Variants in LRRC38 observed in about 807,000 individuals in gnomAD.
The protein encoded by LRRC38 is leucine-rich repeat-containing protein 38.
Under a neutral mutation model 16.4 loss-of-function variants are expected in LRRC38, and 5 were observed. That is an observed-to-expected ratio of 0.31 (90% CI 0.16 to 0.64). The LOEUF is 0.64. LRRC38 is among the 30% of genes least tolerant of loss of function. The probability of loss-of-function intolerance (pLI) is 0.80; values close to 1 mark genes in which losing one functional copy is unlikely to be tolerated. For missense variants in LRRC38, 341 were observed against 401.8 expected (o/e 0.85, Z 1.29); for synonymous variants, 191 against 190.2 (o/e 1.00, Z -0.04).
chr1:13,493,475 T>G lies in LRRC38; in HGVS notation c.632-17376A>C, dbSNP rs74056251. Among the ~76,000 whole-genome samples the G allele has an allele frequency of 9.4e-3, 1,430 of 152,296 alleles. 22 individuals are homozygous for G. The highest frequency in any genetic ancestry group is 0.033 in the African/African-American group (1,383 of 41,570). On this transcript the variant is annotated intron_variant, in intron 1 of 1. Transcript: ENST00000376085. ...CTGGAGGAGATCCAGGCCGACCCCC[T>G]AAATCGTCCACATGCTAATCCTCAG...
At chr1:13,493,819 C>T (rs1001037406) in intron 1 of LRRC38, among the ~76,000 whole-genome samples, 1 of 152,202 alleles carries the variant, frequency 6.6e-6, no homozygotes, top group African/African-American at 2.4e-5. Context: ...AATCCCAGCA[C>T]TTTGGGAGGC....
intron 1 of LRRC38, among the ~76,000 whole-genome samples, chr1:13,485,324 TC>T (rs1638918721): frequency 6.9e-6 from 1 of 145,936 alleles, no homozygotes; most frequent in Non-Finnish European, 1.5e-5. Context: ...ACGCCTGTAA[TC>T]CCAGCACTTT....
intron 1 of LRRC38, among the ~76,000 whole-genome samples, chr1:13,502,090 G>T (rs1639158226): frequency 7.0e-6 from 1 of 142,772 alleles, no homozygotes; most frequent in African/African-American, 2.6e-5. Flanking sequence ...GCCACGCCCA[G>T]CCAATTTTTT....
At chr1:13,512,701 G>C (rs935433756) in intron 1 of LRRC38, among the ~76,000 whole-genome samples, 4 of 152,194 alleles carry the variant, frequency 2.6e-5, no homozygotes, top group Non-Finnish European at 2.9e-5. Flanking sequence ...GGCATCCCGA[G>C]AAGGGGAAGG....
chr1:13,495,671 T>C (rs1639072621), intron 1 of LRRC38, among the ~76,000 whole-genome samples: 1 of 152,122 alleles, frequency 6.6e-6, no homozygotes, highest in African/African-American at 2.4e-5. Flanking sequence ...TGATGCTCCT[T>C]GCAGCACCAC....
At chr1:13,493,673 G>C (rs976165843) in intron 1 of LRRC38, among the ~76,000 whole-genome samples, 3 of 152,168 alleles carry the variant, frequency 2.0e-5, no homozygotes, top group African/African-American at 7.2e-5. Context: ...ATATGCCGAT[G>C]CAGAGAGGTC....
At chr1:13,481,401 T>A in intron 1 of LRRC38, among the ~76,000 whole-genome samples, 1 of 142,914 alleles carries the variant, frequency 7.0e-6, no homozygotes, top group African/African-American at 2.6e-5. Context: ...TTTTTTTTGT[T>A]CTTTTTTTGA....
chr1:13,512,574 C>T (rs939007949), intron 1 of LRRC38, among the ~76,000 whole-genome samples: 11 of 152,070 alleles, frequency 7.2e-5, no homozygotes, highest in Non-Finnish European at 1.5e-4. Flanking sequence ...ACTCCCCGTG[C>T]ACGGTACTGA....
intron 1 of LRRC38, among the ~76,000 whole-genome samples, chr1:13,501,469 A>C (rs562239115): frequency 0.018 from 2,653 of 144,448 alleles, 89 homozygotes; most frequent in African/African-American, 0.07. Flanking sequence ...GGTGCAGTAG[A>C]GTGATCTCAG....
intron 1 of LRRC38, among the ~76,000 whole-genome samples, chr1:13,496,218 G>T (rs1356617283): frequency 6.6e-6 from 1 of 151,966 alleles, no homozygotes; most frequent in Non-Finnish European, 1.5e-5. Flanking sequence ...CCAGGCTGGG[G>T]TGCAGCAGCA....
At chr1:13,512,936 T>TCCCTCC in intron 1 of LRRC38, 27 bp downstream of exon 1, 2 of 442,408 alleles carry the variant, frequency 4.5e-6, no homozygotes, top group South Asian at 2.6e-5. Context: ...CCTCCCTCCC[T>TCCCTCC]CCCCCAGCCT....
In LRRC38 at chr1:13,475,953, TG is replaced by T. The variant is rs1557492955; in HGVS notation, c.777del (p.Ile260LeufsTer61). On this transcript the variant is annotated frameshift_variant, in exon 2 of 2. Transcript: ENST00000376085. LOFTEE classifies it high-confidence loss of function. This position sits in a 1 kb window ranked among gnomAD's most constrained non-coding sequence, Gnocchi z 4.3. ...CIIIFSGVAVSIAAIISSFFL... is the reference protein window; with the variant it reads ...CIIIFSGVAVXIAAIISSFFL... ...AAGAAGCTGGAGATGATGGCCGCAA[TG>T]GACACGGCCACACCGGAGAAAATGA... is the stretch of plus-strand genomic sequence containing the variant. 6.4e-7 allele frequency: 1 copy of T among 1,550,504 alleles called. No homozygotes were observed. Among genetic ancestry groups the T allele is most frequent in the Non-Finnish European group, 8.7e-7 (1 of 1,146,982 alleles).
intron 1 of LRRC38, among the ~76,000 whole-genome samples, chr1:13,507,584 C>T (rs1211786650): frequency 6.6e-6 from 1 of 152,226 alleles, no homozygotes; most frequent in Non-Finnish European, 1.5e-5. Flanking sequence ...GTAATCCCAG[C>T]ACTTTGCCAG....
Position 13,475,794 on chromosome 1 carries a change from G to C in LRRC38, c.*52C>G. ...TTCAGCATTTCCCTCTCGTCTTGGA[G>C]AGAGCTTCTGGTTCGGTGCTGGAGA... On this transcript the variant is annotated 3_prime_UTR_variant, in exon 2 of 2. Coordinates refer to ENST00000376085, the MANE Select transcript of LRRC38 (RefSeq NM_001010847.2). This position sits in a 1 kb window ranked among gnomAD's most constrained non-coding sequence, Gnocchi z 4.3. 8 of 1,533,482 alleles carry C rather than the reference G, an allele frequency of 5.2e-6. No homozygotes were observed. Among genetic ancestry groups the C allele is most frequent in the Non-Finnish European group, 7.0e-6 (8 of 1,137,072 alleles). 95.0% of individuals were successfully genotyped at this position (1,533,482 alleles called of 1,614,324 possible).
At chr1:13,491,622 G>A (rs554271572) in intron 1 of LRRC38, among the ~76,000 whole-genome samples, 1 of 152,090 alleles carries the variant, frequency 6.6e-6, no homozygotes, top group African/African-American at 2.4e-5. Context: ...GAAACAAACT[G>A]TCCACTTGAA....
chr1:13,513,101 G>A lies in LRRC38; in HGVS notation c.493C>T (p.Arg165Cys). The change falls in exon 1 of 2, where the codon CGC becomes TGC. Residue 165 changes from arginine (R) to cysteine (C), a missense_variant. By Grantham distance (180) the Arg-to-Cys change is radical (BLOSUM62 -3). Coordinates refer to ENST00000376085, the MANE Select transcript of LRRC38 (RefSeq NM_001010847.2). ...QVLELNDNNLRSLSVAALAAL... is the reference protein window; with the variant it reads ...QVLELNDNNLCSLSVAALAAL... The stretch of plus-strand genomic sequence containing the variant: ...GCCAGGGCGGCCACGCTGAGGCTGC[G>A]CAGGTTGTTGTCGTTGAGCTCCAGC... 1 of 1,550,354 alleles carries A rather than the reference G, an allele frequency of 6.5e-7. No homozygotes were observed. The highest frequency in any genetic ancestry group is 1.2e-5 in the South Asian group (1 of 84,048).
At chr1:13,479,972 G>A (rs1638833003) in intron 1 of LRRC38, among the ~76,000 whole-genome samples, 1 of 152,188 alleles carries the variant, frequency 6.6e-6, no homozygotes, top group African/African-American at 2.4e-5. Context: ...GCCGTCCTGT[G>A]TCCTGTAGGA....
intron 1 of LRRC38, among the ~76,000 whole-genome samples, chr1:13,502,058 G>T (rs1639157824): frequency 6.6e-6 from 1 of 151,580 alleles, no homozygotes; most frequent in Non-Finnish European, 1.5e-5. Flanking sequence ...CTCCCCAGCA[G>T]TGGGGACTAC....
intron 1 of LRRC38, among the ~76,000 whole-genome samples, chr1:13,492,702 A>T (rs1387534310): frequency 6.6e-6 from 1 of 152,104 alleles, no homozygotes; most frequent in Non-Finnish European, 1.5e-5. Flanking sequence ...ACTCCACCTC[A>T]AAAAAGAAAA....
Sources: gnomAD v4.1 joint callset for allele counts (sites outside exome capture counted in the v4.1 genomes callset) on GRCh38, gnomAD v4.1.1 for gene constraint, Gnocchi (gnomAD v3.1) non-coding constraint, MANE v1.5 for transcripts, NCBI Gene and HGNC (gene_info 2026-07-23, HGNC 2026-07-21) for gene names.